The following AGAP1 variants were observed in gnomAD, a reference collection of about 807,000 sequenced individuals.
AGAP1 encodes the protein arf-GAP with GTPase, ANK repeat and PH domain-containing protein 1.
AGAP1 carries 29 observed loss-of-function variants against 105.3 expected under a neutral mutation model. That is an observed-to-expected ratio of 0.28 (90% CI 0.21 to 0.38). The LOEUF is 0.38. Ranked by LOEUF, AGAP1 falls within the 10% of genes least tolerant of loss-of-function variation. The pLI is 1.00. For missense variants in AGAP1, 998 were observed against 1,165.1 expected (o/e 0.86, Z 2.09); for synonymous variants, 509 against 485.9 (o/e 1.05, Z -0.63).
chr2:235,500,758 AC>A (rs1198799592), intron 1 of AGAP1, among the ~76,000 whole-genome samples: 2 of 152,030 alleles, frequency 1.3e-5, no homozygotes, highest in Non-Finnish European at 2.9e-5. Context: ...GTCGTGCCAG[AC>A]CCCTTTAAAT....
intron 11 of AGAP1, among the ~76,000 whole-genome samples, chr2:235,910,202 G>T: frequency 1.8e-4 from 1 of 5,420 alleles, no homozygotes; most frequent in African/African-American, 2.3e-3. Context: ...CCACCATCCT[G>T]GGCTCCGCTG....
intron 16 of AGAP1, among the ~76,000 whole-genome samples, chr2:236,088,758 T>C (rs746350026): frequency 1.8e-4 from 27 of 152,234 alleles, no homozygotes; most frequent in Non-Finnish European, 3.4e-4. Context: ...CAGCAGTTTA[T>C]GCCACAATTG....
chr2:235,629,256 GAGT>G (rs1169482924), intron 1 of AGAP1, among the ~76,000 whole-genome samples: 2 of 149,770 alleles, frequency 1.3e-5, no homozygotes, highest in African/African-American at 5.0e-5. Context: ...TCTTAAGGCT[GAGT>G]AGTAGTCATT....
intron 6 of AGAP1, among the ~76,000 whole-genome samples, chr2:235,790,258 A>G (rs1956894673): frequency 6.6e-6 from 1 of 152,186 alleles, no homozygotes; most frequent in African/African-American, 2.4e-5. Flanking sequence ...CCTTATCAGA[A>G]CTCATTTTGG....
intron 12 of AGAP1, among the ~76,000 whole-genome samples, chr2:235,943,203 C>CT (rs1169010333): frequency 6.6e-6 from 1 of 152,126 alleles, no homozygotes; most frequent in African/African-American, 2.4e-5. Flanking sequence ...GTTCCACAAC[C>CT]TAGGAACCCA....
chr2:235,898,977 G>A (rs2050935511), intron 10 of AGAP1, among the ~76,000 whole-genome samples: 1 of 152,186 alleles, frequency 6.6e-6, no homozygotes, highest in South Asian at 2.1e-4. Context: ...TCCCTTGGCA[G>A]GCATTATGTT....
chr2:236,101,808 G>A lies in AGAP1; in HGVS notation c.2115-18384G>A, dbSNP rs1337667587. Among the ~76,000 whole-genome samples, 2 of 152,200 alleles carry A rather than the reference G, an allele frequency of 1.3e-5. No individual in the cohort carries two copies. The highest frequency in any genetic ancestry group is 2.9e-5 in the Non-Finnish European group (2 of 68,046). On this transcript the variant is annotated intron_variant, in intron 16 of 17. Transcript: ENST00000304032. The surrounding 1 kb of genome is among the most constrained non-coding windows in gnomAD (Gnocchi z 4.9). ...GGACGGCCTCACCCCGCTGGCTCGG[G>A]CTCCCTCTCACTGGGTACACATTTA...
At chr2:235,670,836 G>A in intron 1 of AGAP1, 1 of 1,415,202 alleles carries the variant, frequency 7.1e-7, no homozygotes, top group South Asian at 1.4e-5. Context: ...GACCTGCAGC[G>A]GCTGGAGCGC....
At chr2:235,516,845 T>A (rs1942410344) in intron 1 of AGAP1, among the ~76,000 whole-genome samples, 1 of 152,246 alleles carries the variant, frequency 6.6e-6, no homozygotes, top group South Asian at 2.1e-4. Context: ...TCAGCTGGGT[T>A]GGTGCAGTGG....
intron 1 of AGAP1, among the ~76,000 whole-genome samples, chr2:235,594,892 T>G (rs975885181): frequency 2.7e-5 from 4 of 150,846 alleles, no homozygotes; most frequent in Admixed American, 6.6e-5. Context: ...TGTTTTTTTT[T>G]TTTTTTTTTT....
chr2:236,117,887 G>T (rs186587218), intron 16 of AGAP1, among the ~76,000 whole-genome samples: 1 of 152,022 alleles, frequency 6.6e-6, no homozygotes, highest in Non-Finnish European at 1.5e-5. Flanking sequence ...GTTTTTGCCC[G>T]AGTGGGGTGC....
In AGAP1 at chr2:235,569,775, G is replaced by C. The variant is rs1944459407; in HGVS notation, c.163+74926G>C. 6.6e-6 allele frequency among the ~76,000 whole-genome samples: 1 copy of C among 152,136 alleles called. No individual in the cohort carries two copies. Among genetic ancestry groups the C allele is most frequent in the Non-Finnish European group, 1.5e-5 (1 of 68,024 alleles). On this transcript the variant is annotated intron_variant, in intron 1 of 17. Transcript: ENST00000304032. The surrounding 1 kb of genome is among the most constrained non-coding windows in gnomAD (Gnocchi z 5.9). ...CCTGTAGGTTCTGAGACCGAGCCTT[G>C]GGTAGTTTTTATTTCTTAGGCTCTC...
intron 11 of AGAP1, among the ~76,000 whole-genome samples, chr2:235,909,838 T>C (rs2051490484): frequency 6.6e-6 from 1 of 152,120 alleles, no homozygotes; most frequent in Non-Finnish European, 1.5e-5. Context: ...CTGGCCAACC[T>C]GGTGAAACCC....
rs1948108474 is a variant in AGAP1 at position 235,665,812 on chromosome 2, A to G, written c.164-43367A>G. On this transcript the variant is annotated intron_variant, in intron 1 of 17. Transcript: ENST00000304032. This position sits in a 1 kb window ranked among gnomAD's most constrained non-coding sequence, Gnocchi z 5.3. ...GACGCGGTTCTGCTAAGATACTGCA[A>G]ACGTGATTACTGGCTGTCAGGTTCT... Among the ~76,000 whole-genome samples, 1 of 152,210 alleles carries G rather than the reference A, an allele frequency of 6.6e-6. No homozygotes were observed. The highest frequency in any genetic ancestry group is 2.4e-5 in the African/African-American group (1 of 41,462).
At chr2:236,116,667 G>A (rs558015354) in intron 16 of AGAP1, among the ~76,000 whole-genome samples, 1 of 152,142 alleles carries the variant, frequency 6.6e-6, no homozygotes, top group East Asian at 1.9e-4. Context: ...ATTCTTTAGT[G>A]GTGATTTGTG....
At chr2:235,861,665 C>T (rs1232773889) in intron 9 of AGAP1, among the ~76,000 whole-genome samples, 1 of 152,150 alleles carries the variant, frequency 6.6e-6, no homozygotes, top group Non-Finnish European at 1.5e-5. Flanking sequence ...CTCCTTAGTT[C>T]CAGGAAGGTC....
rs1274280251 is a variant in AGAP1 at position 235,714,764 on chromosome 2, TTC to T, written c.223-2789_223-2788del. Among the ~76,000 whole-genome samples, 5 of 152,160 alleles carry T rather than the reference TTC, an allele frequency of 3.3e-5. No individual in the cohort carries two copies. Among genetic ancestry groups the T allele is most frequent in the African/African-American group, 9.6e-5 (4 of 41,540 alleles). ...TTTCCACACTGTCATGCCAAATTTG[TTC>T]TCTTATATGTTTGTTTGTTTTCTTT... On this transcript the variant is annotated intron_variant, in intron 2 of 17. Transcript: ENST00000304032. This position sits in a 1 kb window ranked among gnomAD's most constrained non-coding sequence, Gnocchi z 4.1.
rs1350127888 is a variant in AGAP1 at position 235,865,100 on chromosome 2, T to C, written c.1051-18245T>C. Among the ~76,000 whole-genome samples the C allele has an allele frequency of 6.6e-6, 1 of 152,246 alleles. No homozygotes were observed. Among genetic ancestry groups the C allele is most frequent in the African/African-American group, 2.4e-5 (1 of 41,464 alleles). On this transcript the variant is annotated intron_variant, in intron 9 of 17. Transcript: ENST00000304032. The surrounding 1 kb of genome is among the most constrained non-coding windows in gnomAD (Gnocchi z 6.2). Reference sequence around the variant, plus strand: ...ATTATTAAAATGTGAAGTGTGTCGGTCACAAAGCATACATTTCGGGGCAGT... The same window carrying C: ...ATTATTAAAATGTGAAGTGTGTCGGCCACAAAGCATACATTTCGGGGCAGT...
At chr2:235,861,835 C>G (rs765814108) in intron 9 of AGAP1, among the ~76,000 whole-genome samples, 12 of 152,188 alleles carry the variant, frequency 7.9e-5, no homozygotes, top group Non-Finnish European at 1.2e-4. Context: ...TCACTAGTTC[C>G]AGTAACTTGG....
Sources: gnomAD v4.1 joint callset for allele counts (sites outside exome capture counted in the v4.1 genomes callset) on GRCh38, gnomAD v4.1.1 for gene constraint, Gnocchi (gnomAD v3.1) non-coding constraint, MANE v1.5 for transcripts, NCBI Gene and HGNC (gene_info 2026-07-23, HGNC 2026-07-21) for gene names.